Variants in WNK1 observed in about 807,000 individuals in gnomAD.
The protein encoded by WNK1 is serine/threonine-protein kinase WNK1.
WNK1 carries 38 observed loss-of-function variants against 222.8 expected under a neutral mutation model. The observed-to-expected ratio is 0.17, with a 90% CI of 0.13 to 0.22. WNK1 has a LOEUF of 0.22. WNK1 is among the 10% of genes least tolerant of loss of function. The probability of loss-of-function intolerance (pLI) is 1.00; values close to 1 mark genes in which losing one functional copy is unlikely to be tolerated. For synonymous variants in WNK1, 1,090 were observed against 1,092.9 expected, an observed-to-expected ratio of 1.00 and a Z score of 0.05; for missense variants, 2,348 against 2,918.4, an observed-to-expected ratio of 0.80 and a Z score of 4.50.
chr12:765,906 G>GA (rs561167276), intron 1 of WNK1, among the ~76,000 whole-genome samples: 1 of 152,068 alleles, frequency 6.6e-6, no homozygotes, highest in Non-Finnish European at 1.5e-5. Flanking sequence ...TATTAATAAA[G>GA]AAAAAATAGT....
intron 25 of WNK1, among the ~76,000 whole-genome samples, chr12:898,666 T>G (rs1954958698): frequency 6.6e-6 from 1 of 152,084 alleles, no homozygotes; most frequent in Non-Finnish European, 1.5e-5. Context: ...CTCAAACTCC[T>G]AGGCTCAGGT....
Position 890,432 on chromosome 12 carries a change from CTGTCTGTGTG to C in WNK1, c.5449-17_5449-8del. ...GACTGAAGCTAAAGATTTGTGGTGTCTGTCTGTGTGTGTTTTACAGCCTGTGTCCATGGCG... is the reference window on the plus strand; with the variant it reads ...GACTGAAGCTAAAGATTTGTGGTGTCTGTTTTACAGCCTGTGTCCATGGCG... On this transcript the variant is annotated splice_polypyrimidine_tract_variant and intron_variant, in intron 21 of 27. Transcript: ENST00000315939. 1 of 1,614,048 alleles carries C rather than the reference CTGTCTGTGTG, an allele frequency of 6.2e-7. No individual in the cohort carries two copies. Among genetic ancestry groups the C allele is most frequent in the Non-Finnish European group, 8.5e-7 (1 of 1,179,944 alleles).
At chr12:866,133 T>C (rs1951648629) in intron 8 of WNK1, among the ~76,000 whole-genome samples, 1 of 152,284 alleles carries the variant, frequency 6.6e-6, no homozygotes, top group African/African-American at 2.4e-5. Flanking sequence ...ATTTTCAGAT[T>C]TTTACTTAGG....
intron 1 of WNK1, among the ~76,000 whole-genome samples, chr12:810,319 G>C (rs970551395): frequency 6.6e-6 from 1 of 151,898 alleles, no homozygotes; most frequent in Admixed American, 6.6e-5. Flanking sequence ...TAAGGAGGGA[G>C]TATTCCAATA....
chr12:776,412 T>TTGTGTGTTTGTGTGTG (rs1555082816), intron 1 of WNK1, among the ~76,000 whole-genome samples: 1 of 146,112 alleles, frequency 6.8e-6, no homozygotes, highest in Non-Finnish European at 1.5e-5. Flanking sequence ...GTTTGTGTGT[T>TTGTGTGTTTGTGTGTG]TGTGTGTGTG....
At chr12:873,897 A>G (rs907910810) in intron 9 of WNK1, among the ~76,000 whole-genome samples, 4 of 152,052 alleles carry the variant, frequency 2.6e-5, no homozygotes, top group African/African-American at 9.7e-5. Flanking sequence ...GAACATAGTA[A>G]ATGAGGAATT....
intron 1 of WNK1, among the ~76,000 whole-genome samples, chr12:777,316 C>T (rs1458306965): frequency 2.0e-5 from 3 of 151,762 alleles, no homozygotes; most frequent in Admixed American, 6.6e-5. Flanking sequence ...CACGCCACCA[C>T]GCCCAGCTAA....
At chr12:791,046 A>G (rs939655325) in intron 1 of WNK1, among the ~76,000 whole-genome samples, 7 of 152,138 alleles carry the variant, frequency 4.6e-5, no homozygotes, top group Non-Finnish European at 1.0e-4. Flanking sequence ...AGAATAGAAA[A>G]TCTTCTAAAC....
At chr12:815,058 G>A (rs1241983884) in intron 2 of WNK1, among the ~76,000 whole-genome samples, 1 of 152,172 alleles carries the variant, frequency 6.6e-6, no homozygotes, top group Non-Finnish European at 1.5e-5. Context: ...GAGCTCAGGT[G>A]GTAATGCGAG....
rs933541584 is a variant in WNK1, at chr12:753,506, C to T, written c.-60C>T. The T allele has an allele frequency of 5.6e-5, 90 of 1,606,958 alleles. 1 individual carries two copies. Among genetic ancestry groups the T allele is most frequent in the Admixed American group, 6.7e-5 (4 of 59,818 alleles). Reference sequence around the variant, plus strand: ...CAGACCTCTGCGCGGGCGGCTCGGCCCTTCACGCCCTTTTCGTTCACGAAT... The same window carrying T: ...CAGACCTCTGCGCGGGCGGCTCGGCTCTTCACGCCCTTTTCGTTCACGAAT... On this transcript the variant is annotated 5_prime_UTR_variant, in exon 1 of 28. Transcript: ENST00000315939. The surrounding 1 kb of genome is among the most constrained non-coding windows in gnomAD (Gnocchi z 5.2).
intron 9 of WNK1, among the ~76,000 whole-genome samples, chr12:877,029 C>T (rs1421875424): frequency 2.1e-5 from 3 of 139,626 alleles, no homozygotes; most frequent in Non-Finnish European, 3.1e-5. Flanking sequence ...ATTAGAAGAT[C>T]TTGAAAGTCA....
chr12:763,076 T>G (rs1253671541), intron 1 of WNK1, among the ~76,000 whole-genome samples: 2 of 147,366 alleles, frequency 1.4e-5, no homozygotes, highest in East Asian at 2.0e-4. Flanking sequence ...CTGTTTACTT[T>G]GAGGTTTGCA....
chr12:883,537 G>A lies in WNK1; in HGVS notation c.3632G>A (p.Gly1211Glu), dbSNP rs749955344. ...EGDQGLESLQ[G>E]KDDYGFSGSQ... ...GATCAGGGATTGGAGAGTCTACAAG[G>A]AAAGGATGACTATGGCTTTTCAGGT... Residue 1211 changes from glycine to glutamate, a missense_variant, in exon 16 of 28, where the codon GGA (glycine) becomes GAA (glutamate). Around this residue, in one of 13 missense-constraint regions of WNK1, gnomAD observed 1,144 missense variants for 1,273.6 expected, o/e 0.90. Transcript: ENST00000315939. 5 of 1,614,066 alleles carry A rather than the reference G, an allele frequency of 3.1e-6. No homozygotes were observed. The South Asian group carries it at 3.3e-5, about 11-fold the overall frequency.
intron 8 of WNK1, among the ~76,000 whole-genome samples, chr12:865,650 A>C (rs185401681): frequency 6.6e-6 from 1 of 152,350 alleles, no homozygotes; most frequent in Non-Finnish European, 1.5e-5. Context: ...CTATCGACAT[A>C]AAATTCTTTC....
chr12:774,051 T>C (rs917688507), intron 1 of WNK1, among the ~76,000 whole-genome samples: 2 of 152,152 alleles, frequency 1.3e-5, no homozygotes, highest in African/African-American at 4.8e-5. Context: ...CTCCCTCTAA[T>C]CCTTGGTGAG....
chr12:867,889 T>TG (rs1282141911), intron 8 of WNK1: 1 of 1,614,034 alleles, frequency 6.2e-7, no homozygotes, highest in Non-Finnish European at 8.5e-7. Flanking sequence ...CGCATCCGTG[T>TG]GGGGGGACCC....
intron 4 of WNK1, among the ~76,000 whole-genome samples, chr12:843,232 TG>T (rs1484993403): frequency 6.6e-6 from 1 of 152,198 alleles, no homozygotes; most frequent in Non-Finnish European, 1.5e-5. Flanking sequence ...CGACCACGCC[TG>T]GCCCAGGCTT....
Position 837,708 on chromosome 12 carries a change from T to G in WNK1, c.1311+7548T>G, listed in dbSNP as rs140501758. On this transcript the variant is annotated intron_variant, in intron 4 of 27. Coordinates refer to ENST00000315939, the MANE Select transcript of WNK1 (RefSeq NM_018979.4). ...GTCTTGTCTACCTGTTAAGTTAGGT[T>G]GCAATTAGTCCACACAGACTCAAAT... 4.3e-3 allele frequency among the ~76,000 whole-genome samples: 659 copies of G among 152,256 alleles called. 6 individuals are homozygous for G. The highest frequency in any genetic ancestry group is 0.013 in the African/African-American group (554 of 41,536).
intron 1 of WNK1, among the ~76,000 whole-genome samples, chr12:768,715 ATTCTC>A (rs1453993323): frequency 2.0e-5 from 3 of 152,154 alleles, no homozygotes; most frequent in African/African-American, 4.8e-5. Flanking sequence ...TGCCATTCTT[ATTCTC>A]TTAATGAGTA....
Sources: gnomAD v4.1 joint callset for allele counts (sites outside exome capture counted in the v4.1 genomes callset) on GRCh38, gnomAD v4.1.1 for gene constraint, gnomAD v4.1.1 regional missense constraint, Gnocchi (gnomAD v3.1) non-coding constraint, MANE v1.5 for transcripts, NCBI Gene and HGNC (gene_info 2026-07-23, HGNC 2026-07-21) for gene names.